Variants in KCTD9 observed in about 807,000 individuals in gnomAD.
KCTD9 encodes BTB/POZ domain-containing protein KCTD9.
A neutral mutation model predicts 53.3 loss-of-function variants in KCTD9; 17 were observed. That is an observed-to-expected ratio of 0.32 (90% CI 0.22 to 0.48). The LOEUF (loss-of-function observed/expected upper bound fraction) is 0.48, where lower values mean the gene tolerates loss of function less well. Among genes scored for constraint, KCTD9 ranks in the 20% least tolerant of loss-of-function variants. The pLI, the probability that KCTD9 is intolerant of heterozygous loss-of-function variation, is 0.99. For missense variants in KCTD9, 179 were observed against 465.5 expected, an observed-to-expected ratio of 0.38 and a Z score of 5.66; for synonymous variants, 128 against 162.7, an observed-to-expected ratio of 0.79 and a Z score of 1.62.
intron 1 of KCTD9, chr8:25,457,242 G>C: frequency 2.6e-6 from 1 of 378,964 alleles, no homozygotes; most frequent in Non-Finnish European, 3.6e-6. Context: ...AGTGTTCCCC[G>C]AATGTGCAGG....
At chr8:25,436,767 CT>C (rs758074131) in intron 6 of KCTD9, among the ~76,000 whole-genome samples, 3 of 151,474 alleles carry the variant, frequency 2.0e-5, no homozygotes, top group Non-Finnish European at 4.4e-5. Context: ...ACTAAAAGAG[CT>C]TTCATTTATC....
chr8:25,439,779 T>TGGTA (rs1471323283), intron 4 of KCTD9, 115 bp from the exon 5 acceptor site: 12 of 1,552,458 alleles, frequency 7.7e-6, no homozygotes, highest in African/African-American at 4.1e-5. Context: ...TGCTACAACC[T>TGGTA]GGTAGGAGTA....
intron 11 of KCTD9, among the ~76,000 whole-genome samples, chr8:25,431,231 G>A (rs1801924324): frequency 6.6e-6 from 1 of 152,060 alleles, no homozygotes; most frequent in African/African-American, 2.4e-5. Flanking sequence ...AATCTGAAAA[G>A]ATTTTACTTA....
chr8:25,453,122 G>C (rs1802360649), intron 1 of KCTD9, among the ~76,000 whole-genome samples: 1 of 152,172 alleles, frequency 6.6e-6, no homozygotes, highest in South Asian at 2.1e-4. Flanking sequence ...CAGTACTTTG[G>C]GCGGCTGAGG....
At chr8:25,434,883 A>G (rs546784614) in intron 9 of KCTD9, among the ~76,000 whole-genome samples, 2 of 152,368 alleles carry the variant, frequency 1.3e-5, no homozygotes, top group South Asian at 4.1e-4. Context: ...ATATAAATAT[A>G]CACATATATG....
intron 2 of KCTD9, 88 bp from the exon 3 acceptor site, chr8:25,444,423 T>C (rs538815895): frequency 8.1e-7 from 1 of 1,232,856 alleles, no homozygotes; most frequent in Admixed American, 2.2e-5. Context: ...TCCTTACAAT[T>C]ATATAGACAA....
At chr8:25,433,304 A>G (rs184400053) in intron 10 of KCTD9, 26 bp downstream of exon 10, 3 of 1,264,870 alleles carry the variant, frequency 2.4e-6, no homozygotes, top group Non-Finnish European at 2.3e-6. Flanking sequence ...CCTTCGTAGA[A>G]TAGGTATTTA....
In KCTD9 at chr8:25,458,327, C is replaced by T. The variant is rs1802520755; in HGVS notation, c.-81G>A. ...CCCACCTTTTTCTCCTCCCGCCCTT[C>T]CCCTCCCTCCACCCACTCGGATTCG... is the stretch of plus-strand genomic sequence containing the variant. On this transcript the variant is annotated 5_prime_UTR_variant, in exon 1 of 12. Transcript: ENST00000221200. The T allele has an allele frequency of 3.4e-6, 5 of 1,452,704 alleles. No individual in the cohort carries two copies. Among genetic ancestry groups the T allele is most frequent in the African/African-American group, 2.8e-5 (2 of 70,836 alleles). 90.0% of individuals were successfully genotyped at this position (1,452,704 alleles called of 1,614,324 possible).
At chr8:25,438,304 CT>C (rs34836158) in intron 6 of KCTD9, among the ~76,000 whole-genome samples, 49,626 of 139,196 alleles carry the variant, frequency 0.36, 8,042 homozygotes, top group South Asian at 0.41. Flanking sequence ...CAAATAATAT[CT>C]TTTTTTTTTT....
chr8:25,428,197 T>C lies in KCTD9; in HGVS notation c.*1660A>G, dbSNP rs1189057584. 1 of 152,660 alleles carries C rather than the reference T, an allele frequency of 6.6e-6. No individual in the cohort carries two copies. Among genetic ancestry groups the C allele is most frequent in the African/African-American group, 2.4e-5 (1 of 41,462 alleles). 9.5% of individuals were successfully genotyped at this position (152,660 alleles called of 1,614,324 possible). ...CATTCTGTAATTCCTGAAAATATAG[T>C]ACAGAGTGAAATGATTTAAATATAA... On this transcript the variant is annotated 3_prime_UTR_variant, in exon 12 of 12. Coordinates refer to ENST00000221200, the MANE Select transcript of KCTD9 (RefSeq NM_017634.4).
intron 11 of KCTD9, among the ~76,000 whole-genome samples, chr8:25,431,947 A>C (rs1186153845): frequency 1.3e-5 from 2 of 152,216 alleles, no homozygotes; most frequent in African/African-American, 4.8e-5. Context: ...TCAAGCGCTC[A>C]ATAGCTATAT....
At chr8:25,447,214 A>G (rs1243012332) in intron 1 of KCTD9, among the ~76,000 whole-genome samples, 1 of 152,020 alleles carries the variant, frequency 6.6e-6, no homozygotes, top group Non-Finnish European at 1.5e-5. Flanking sequence ...ACCAACATGG[A>G]GAAACCCCAT....
At chr8:25,433,692 T>A (rs1801968774) in intron 9 of KCTD9, among the ~76,000 whole-genome samples, 1 of 152,224 alleles carries the variant, frequency 6.6e-6, no homozygotes, top group African/African-American at 2.4e-5. Flanking sequence ...TCATTTTACA[T>A]GAAACATAAC....
Position 25,429,793 on chromosome 8 carries a change from G to A in KCTD9, c.*64C>T. ...TTTCTTCTAGACAACTGAGTGGGTG[G>A]AGAAAGAAAAGTGATAAGGAAAACA... On this transcript the variant is annotated 3_prime_UTR_variant, in exon 12 of 12. Coordinates refer to ENST00000221200, the MANE Select transcript of KCTD9 (RefSeq NM_017634.4). 1.2e-6 allele frequency: 1 copy of A among 820,586 alleles called. No individual in the cohort carries two copies. Among genetic ancestry groups the A allele is most frequent in the East Asian group, 2.4e-5 (1 of 40,954 alleles). The allele number at this position is 820,586 out of a possible 1,614,324, so 50.8% of individuals were successfully genotyped here. A position where few individuals can be genotyped will look rare whatever the true frequency, so the allele number is the denominator to read the frequency against.
chr8:25,458,169 G>GCCCCCCCCCC, intron 1 of KCTD9, 30 bp downstream of exon 1: 1 of 1,460,180 alleles, frequency 6.8e-7, no homozygotes, highest in Non-Finnish European at 9.4e-7. Flanking sequence ...CCGACCCCCG[G>GCCCCCCCCCC]CCCGCCGCGC....
intron 10 of KCTD9, among the ~76,000 whole-genome samples, 167 bp downstream of exon 10, chr8:25,433,163 A>G (rs1464928445): frequency 1.3e-5 from 2 of 152,188 alleles, no homozygotes; most frequent in African/African-American, 4.8e-5. Flanking sequence ...ATTTGACTGA[A>G]ACCAAATGGA....
chr8:25,428,361 C>T lies in KCTD9; in HGVS notation c.*1496G>A, dbSNP rs991643349. The stretch of plus-strand genomic sequence containing the variant: ...CTTGTAAAGGTCTGATCTCCTCCCA[C>T]TATGCATATGTACCCTTTACTGTTA... On this transcript the variant is annotated 3_prime_UTR_variant, in exon 12 of 12. Transcript: ENST00000221200. 1 of 152,594 alleles carries T rather than the reference C, an allele frequency of 6.6e-6. No homozygotes were observed. The highest frequency in any genetic ancestry group is 1.5e-5 in the Non-Finnish European group (1 of 68,014). The allele number at this position is 152,594 out of a possible 1,614,324, so 9.5% of individuals were successfully genotyped here. A position where few individuals can be genotyped will look rare whatever the true frequency, so the allele number is the denominator to read the frequency against.
Position 25,439,402 on chromosome 8 carries a change from A to C in KCTD9, c.376T>G (p.Trp126Gly). 6.2e-7 allele frequency: 1 copy of C among 1,610,536 alleles called. No homozygotes were observed. The highest frequency in any genetic ancestry group is 8.5e-7 in the Non-Finnish European group (1 of 1,178,934). Residue 126 changes from tryptophan to glycine, a missense_variant, in exon 6 of 12, where the codon TGG becomes GGG. Coordinates refer to ENST00000221200, the MANE Select transcript of KCTD9 (RefSeq NM_017634.4). ...LAHMFKDKGV[W>G]GNKQDHRGAF... ...CCTCTATGATCTTGCTTATTTCCCC[A>C]GACACCTGTGTCACCATTATAATAA...
intron 8 of KCTD9, 81 bp from the exon 9 acceptor site, chr8:25,435,593 GT>G (rs928410782): frequency 2.1e-5 from 27 of 1,289,022 alleles, no homozygotes; most frequent in African/African-American, 4.6e-5. Flanking sequence ...TAACCACCAA[GT>G]TTTTTTTAGA....
Sources: gnomAD v4.1 joint callset for allele counts (sites outside exome capture counted in the v4.1 genomes callset) on GRCh38, gnomAD v4.1.1 for gene constraint, MANE v1.5 for transcripts, NCBI Gene and HGNC (gene_info 2026-07-23, HGNC 2026-07-21) for gene names.